The following SLC25A17 variants were observed in gnomAD, a reference collection of about 807,000 sequenced individuals.
SLC25A17 encodes the protein solute carrier family 25 member 17.
Under a neutral mutation model 38.5 loss-of-function variants are expected in SLC25A17, and 26 were observed. The ratio of observed to expected loss-of-function variants is 0.68; its 90% CI spans 0.50 to 0.94. SLC25A17 has a LOEUF of 0.94. Among genes scored for constraint, SLC25A17 ranks in the 40% least tolerant of loss-of-function variants. The pLI is 0.00. For synonymous variants in SLC25A17, 139 were observed against 136.2 expected (o/e 1.02, Z -0.14); for missense variants, 333 against 372.7 (o/e 0.89, Z 0.88).
intron 2 of SLC25A17, chr22:40,798,385 T>G (rs1160652868): frequency 1.3e-5 from 2 of 152,040 alleles, no homozygotes; most frequent in African/African-American, 4.8e-5. Context: ...CTCGGAACCT[T>G]TTCCCCATCT....
intron 7 of SLC25A17, 54 bp downstream of exon 7, chr22:40,776,986 C>T: frequency 7.2e-7 from 1 of 1,389,252 alleles, no homozygotes; most frequent in Non-Finnish European, 1.0e-6. Flanking sequence ...AATCAAGAGA[C>T]TACATGTATT....
At chr22:40,803,823 T>C (rs1165538578) in intron 1 of SLC25A17, among the ~76,000 whole-genome samples, 1 of 150,024 alleles carries the variant, frequency 6.7e-6, no homozygotes, top group Non-Finnish European at 1.5e-5. Context: ...AGTTTTTGTT[T>C]TTTTTTTTTT....
intron 4 of SLC25A17, among the ~76,000 whole-genome samples, chr22:40,782,976 G>A (rs1009227449): frequency 2.6e-5 from 4 of 152,068 alleles, no homozygotes; most frequent in Middle Eastern, 3.2e-3. Context: ...GAGCAACAAC[G>A]CTGTTCCTAG....
intron 1 of SLC25A17, among the ~76,000 whole-genome samples, chr22:40,807,865 C>CT (rs2057543803): frequency 6.6e-6 from 1 of 152,114 alleles, no homozygotes; most frequent in African/African-American, 2.4e-5. Context: ...ACAAAGATGA[C>CT]TGTTTTTATA....
chr22:40,797,632 ACT>A (rs1330320988), intron 2 of SLC25A17, among the ~76,000 whole-genome samples: 3 of 152,208 alleles, frequency 2.0e-5, no homozygotes, highest in Admixed American at 6.5e-5. Context: ...TCCAGGAATG[ACT>A]CTCTGTTAAT....
chr22:40,776,422 TG>T, intron 7 of SLC25A17: 1 of 341,642 alleles, frequency 2.9e-6, no homozygotes. Flanking sequence ...TAATCCCTGC[TG>T]GGGCACCAAA....
chr22:40,805,969 T>C (rs901467126), intron 1 of SLC25A17, among the ~76,000 whole-genome samples: 3 of 152,252 alleles, frequency 2.0e-5, no homozygotes, highest in South Asian at 4.1e-4. Context: ...TCAGGTTGAC[T>C]GACTGGGTGC....
At chr22:40,782,248 C>CAAT (rs1276604120) in intron 4 of SLC25A17, among the ~76,000 whole-genome samples, 1 of 151,740 alleles carries the variant, frequency 6.6e-6, no homozygotes, top group Non-Finnish European at 1.5e-5. Flanking sequence ...ACAACAACAA[C>CAAT]AACTCTTCCG....
chr22:40,777,349 T>C lies in SLC25A17; in HGVS notation c.476A>G (p.Asp159Gly). Residue 159 changes from aspartate to glycine, a missense_variant, in exon 6 of 9, where the codon GAT becomes GGT. Asp to Gly is a moderately conservative substitution (Grantham distance 94). Coordinates refer to ENST00000435456, the MANE Select transcript of SLC25A17 (RefSeq NM_006358.4). ...IIDAFHQIIR[D>G]EGISALWNGT... ...ATTCCATAAAGCCGAGATTCCTTCATCGCGAATGATCTGATGAAAAGCATC... is the reference window on the plus strand; with the variant it reads ...ATTCCATAAAGCCGAGATTCCTTCACCGCGAATGATCTGATGAAAAGCATC... 1 of 1,613,744 alleles carries C rather than the reference T, an allele frequency of 6.2e-7. No individual in the cohort carries two copies. The highest frequency in any genetic ancestry group is 1.1e-5 in the South Asian group (1 of 91,050).
Position 40,819,323 on chromosome 22 carries a change from C to T in SLC25A17, c.-75G>A. ...GCCAGTGGAGTTAGGAAAGGAGCAC[C>T]GGAGCTCAGGGTGTGAGAGTCGCAA... is the stretch of plus-strand genomic sequence containing the variant. On this transcript the variant is annotated 5_prime_UTR_variant, in exon 1 of 9. Transcript: ENST00000435456. 1.4e-6 allele frequency: 2 copies of T among 1,468,068 alleles called. No homozygotes were observed. Among genetic ancestry groups the T allele is most frequent in the Non-Finnish European group, 1.9e-6 (2 of 1,078,976 alleles). The allele number at this position is 1,468,068 out of a possible 1,614,324, so 90.9% of individuals were successfully genotyped here. A position where few individuals can be genotyped will look rare whatever the true frequency, so the allele number is the denominator to read the frequency against.
rs2057457218 is a variant in SLC25A17 at position 40,799,064 on chromosome 22, G to C, written c.74C>G (p.Thr25Arg). ...AGCTGTATCCAGGGGAAAAAACACTGTCATTGCTGTCACGCTTCCCTGAAA... is the reference window on the plus strand; with the variant it reads ...AGCTGTATCCAGGGGAAAAAACACTCTCATTGCTGTCACGCTTCCCTGAAA... The part of the protein sequence containing the change: ...AGAVGSVTAM[T>R]VFFPLDTARL... Residue 25 changes from threonine to arginine, a missense_variant, in exon 2 of 9, where the codon ACA becomes AGA. Coordinates refer to ENST00000435456, the MANE Select transcript of SLC25A17 (RefSeq NM_006358.4). 1 of 1,613,454 alleles carries C rather than the reference G, an allele frequency of 6.2e-7. No homozygotes were observed. Among genetic ancestry groups the C allele is most frequent in the Non-Finnish European group, 8.5e-7 (1 of 1,179,566 alleles).
intron 4 of SLC25A17, among the ~76,000 whole-genome samples, chr22:40,785,224 A>G (rs1171709990): frequency 6.6e-6 from 1 of 152,182 alleles, no homozygotes; most frequent in African/African-American, 2.4e-5. Context: ...TCTCTACTAA[A>G]AATACAAAAA....
intron 8 of SLC25A17, among the ~76,000 whole-genome samples, chr22:40,772,423 G>A (rs1265187130): frequency 6.6e-6 from 1 of 152,102 alleles, no homozygotes; most frequent in Non-Finnish European, 1.5e-5. Flanking sequence ...TTCCACCTCA[G>A]CCTCCTGGGT....
At chr22:40,780,149 T>C (rs1040417713) in intron 4 of SLC25A17, 1 of 152,200 alleles carries the variant, frequency 6.6e-6, no homozygotes, top group African/African-American at 2.4e-5. Context: ...ATTTAAGGTA[T>C]CTCAAAATAT....
chr22:40,797,473 T>C, intron 2 of SLC25A17: 1 of 428,218 alleles, frequency 2.3e-6, no homozygotes, highest in South Asian at 1.8e-5. Flanking sequence ...GCCTCTTCTT[T>C]TGACACCATC....
intron 3 of SLC25A17, among the ~76,000 whole-genome samples, chr22:40,793,849 GA>G (rs2057404670): frequency 6.6e-6 from 1 of 152,148 alleles, no homozygotes; most frequent in Non-Finnish European, 1.5e-5. Flanking sequence ...GACCTCAGGT[GA>G]TCCGCCTGCC....
chr22:40,809,625 T>C (rs1473758167), intron 1 of SLC25A17, among the ~76,000 whole-genome samples: 1 of 151,908 alleles, frequency 6.6e-6, no homozygotes, highest in Non-Finnish European at 1.5e-5. Context: ...AGTGAGACCC[T>C]GTCTCAAAAA....
chr22:40,812,700 A>G (rs1283773871), intron 1 of SLC25A17, among the ~76,000 whole-genome samples: 3 of 152,148 alleles, frequency 2.0e-5, no homozygotes, highest in Non-Finnish European at 4.4e-5. Flanking sequence ...AGAACACTGC[A>G]TTATAGAACA....
At chr22:40,802,410 C>T (rs944284301) in intron 1 of SLC25A17, among the ~76,000 whole-genome samples, 8 of 151,872 alleles carry the variant, frequency 5.3e-5, no homozygotes, top group African/African-American at 1.9e-4. Context: ...TTTGGGAAGC[C>T]GAGGCAGATG....
Sources: allele counts gnomAD v4.1 joint callset (sites outside exome capture counted in the v4.1 genomes callset), GRCh38; gene constraint gnomAD v4.1.1; transcripts MANE v1.5; gene names NCBI Gene and HGNC (gene_info 2026-07-23, HGNC 2026-07-21).